The following NAA16 variants were observed in gnomAD, a reference collection of about 807,000 sequenced individuals.
The protein encoded by NAA16 is N-alpha-acetyltransferase 16, NatA auxiliary subunit.
Under a neutral mutation model 110.3 loss-of-function variants are expected in NAA16, and 97 were observed. That is an observed-to-expected ratio of 0.88 (90% confidence interval 0.75 to 1.04). NAA16 has a LOEUF of 1.04. Ranked by LOEUF, NAA16 falls within the 50% of genes least tolerant of loss-of-function variation. NAA16 has a pLI of 0.00. For missense variants in NAA16, 1,017 were observed against 1,005.1 expected, an observed-to-expected ratio of 1.01 and a Z score of -0.16; for synonymous variants, 372 against 330.6, an observed-to-expected ratio of 1.13 and a Z score of -1.36.
chr13:41,343,587 G>A (rs1233173347), intron 9 of NAA16, among the ~76,000 whole-genome samples: 1 of 152,116 alleles, frequency 6.6e-6, no homozygotes, highest in Non-Finnish European at 1.5e-5. Flanking sequence ...CTGGAGTGCA[G>A]TGGCACCATC....
chr13:41,358,194 T>C (rs2043035481), intron 10 of NAA16, 110 bp from the exon 11 acceptor site: 1 of 971,588 alleles, frequency 1.0e-6, no homozygotes, highest in South Asian at 1.9e-5. Context: ...TGCTGAGTCT[T>C]TCTTGCTTAT....
intron 8 of NAA16, among the ~76,000 whole-genome samples, chr13:41,334,747 TAAAAAG>T (rs2139425132): frequency 6.6e-6 from 1 of 152,308 alleles, no homozygotes; most frequent in South Asian, 2.1e-4. Flanking sequence ...GCAAATTAGG[TAAAAAG>T]AGTTTATAAG....
rs548411641 is a variant in NAA16 at position 41,375,346 on chromosome 13, G to GT, written c.2398-57dup. ...CACATTGCATCTTTTGATTAAAGTG[G>GT]TTATTAACTGCGAGCTTATTATTTT... On this transcript the variant is annotated intron_variant, in intron 19 of 19. Transcript: ENST00000379406. The GT allele has an allele frequency of 1.7e-4, 207 of 1,247,122 alleles. 1 individual carries two copies. The African/African-American group carries it at 2.7e-3, about 16-fold the overall frequency. The allele number at this position is 1,247,122 out of a possible 1,614,324, so 77.3% of individuals were successfully genotyped here. A position where few individuals can be genotyped will look rare whatever the true frequency, so the allele number is the denominator to read the frequency against.
At position 41,369,246 on chromosome 13, in the gene NAA16, G is replaced by A. The variant is rs1275883582; in HGVS notation, c.1910G>A (p.Gly637Asp). 20 of 1,582,580 alleles carry A rather than the reference G, an allele frequency of 1.3e-5. No individual in the cohort carries two copies. Among genetic ancestry groups the A allele is most frequent in the Non-Finnish European group, 1.5e-5 (18 of 1,172,070 alleles). The change falls in exon 15 of 20, where the codon GGC becomes GAC. Residue 637 changes from glycine to aspartate, a missense_variant. Transcript: ENST00000379406. ...GATGAAGAAGAAGAAGAAGCCAGTG[G>A]CCTTAAGGAAGAACTTATACCTGAA... ...KRDEEEEEAS[G>D]LKEELIPEKL... is the part of the protein sequence containing the mutation.
At chr13:41,336,601 G>A in intron 8 of NAA16, 49 bp from the exon 9 acceptor site, 1 of 1,118,416 alleles carries the variant, frequency 8.9e-7, no homozygotes. Context: ...ATCATTTTAA[G>A]AATTGTTTGC....
At chr13:41,354,747 G>A (rs1566285254) in intron 9 of NAA16, 1 of 155,698 alleles carries the variant, frequency 6.4e-6, no homozygotes, top group Admixed American at 6.4e-5. Context: ...TATATTGTAG[G>A]ATTGCTAACA....
chr13:41,342,143 C>CTT (rs551852444), intron 9 of NAA16, among the ~76,000 whole-genome samples: 7 of 119,616 alleles, frequency 5.9e-5, no homozygotes, highest in Admixed American at 1.7e-4. Flanking sequence ...CTCTCTCTCT[C>CTT]TTTTTTTTTT....
At chr13:41,348,258 C>T (rs192598999) in intron 9 of NAA16, among the ~76,000 whole-genome samples, 220 of 152,190 alleles carry the variant, frequency 1.4e-3, no homozygotes, top group African/African-American at 5.2e-3. Flanking sequence ...ACCTCCACCT[C>T]GCGGGTTCAA....
chr13:41,362,592 T>TAGA, intron 13 of NAA16: 1 of 652,060 alleles, frequency 1.5e-6, no homozygotes, highest in Non-Finnish European at 2.3e-6. Context: ...TTCAGTATTC[T>TAGA]GTATAACAAT....
Position 41,375,503 on chromosome 13 carries a change from T to C in NAA16, c.2496T>C (p.Pro832=). The change falls in exon 20 of 20, where the codon CCT becomes CCC. Residue 832 remains proline (P), a synonymous_variant. Coordinates refer to ENST00000379406, the MANE Select transcript of NAA16 (RefSeq NM_024561.5). Reference sequence around the variant, plus strand: ...GGATGGCCTGTCATAACCTGCTTCCTTTTACATCTGCCTTCTTGCCTGCTG... The same window carrying C: ...GGATGGCCTGTCATAACCTGCTTCCCTTTACATCTGCCTTCTTGCCTGCTG... ...EYRMACHNLL[P]FTSAFLPAVN... The C allele has an allele frequency of 6.2e-7, 1 of 1,614,082 alleles. No homozygotes were observed. The highest frequency in any genetic ancestry group is 8.5e-7 in the Non-Finnish European group (1 of 1,179,938).
At chr13:41,347,106 C>G (rs2042701856) in intron 9 of NAA16, among the ~76,000 whole-genome samples, 1 of 151,818 alleles carries the variant, frequency 6.6e-6, no homozygotes, top group Admixed American at 6.6e-5. Context: ...CTCCCAGCTG[C>G]TCGGGAGGCT....
In NAA16 at chr13:41,374,935, C is replaced by T. The variant is rs2043399504; in HGVS notation, c.2397+96C>T. 4 of 710,014 alleles carry T rather than the reference C, an allele frequency of 5.6e-6. No homozygotes were observed. In the East Asian group the frequency reaches 1.0e-4, roughly 18 times the overall value. The allele number at this position is 710,014 out of a possible 1,614,324, so 44.0% of individuals were successfully genotyped here. On this transcript the variant is annotated intron_variant, in intron 19 of 19. Transcript: ENST00000379406. ...TCTTGAGTAGGCCTTCAGAATTATGCCTGGATGTTAATCCCAGCTCTATCA... is the reference window on the plus strand; with the variant it reads ...TCTTGAGTAGGCCTTCAGAATTATGTCTGGATGTTAATCCCAGCTCTATCA...
intron 13 of NAA16, chr13:41,362,463 T>C (rs1259714190): frequency 3.0e-6 from 1 of 335,116 alleles, no homozygotes; most frequent in East Asian, 8.3e-5. Context: ...ATTTTGATAT[T>C]CATCACCACC....
chr13:41,334,229 C>T (rs1448338793), intron 8 of NAA16, among the ~76,000 whole-genome samples: 1 of 152,032 alleles, frequency 6.6e-6, no homozygotes, highest in Non-Finnish European at 1.5e-5. Context: ...AAAAGCCTTT[C>T]CACTTTTTAG....
intron 9 of NAA16, among the ~76,000 whole-genome samples, chr13:41,349,266 G>A (rs537858065): frequency 6.6e-6 from 1 of 151,916 alleles, no homozygotes; most frequent in East Asian, 1.9e-4. Context: ...ACTCATTGTA[G>A]CATCAAACCC....
intron 14 of NAA16, among the ~76,000 whole-genome samples, chr13:41,368,795 A>G (rs1348657024): frequency 1.3e-5 from 2 of 152,252 alleles, no homozygotes; most frequent in East Asian, 3.8e-4. Flanking sequence ...CCTATAGACC[A>G]TAATATAATT....
At chr13:41,369,486 G>T (rs2043274092) in intron 15 of NAA16, among the ~76,000 whole-genome samples, 1 of 152,150 alleles carries the variant, frequency 6.6e-6, no homozygotes, top group Non-Finnish European at 1.5e-5. Flanking sequence ...ATTGTGGTAG[G>T]CAGAGTAATG....
At chr13:41,345,611 T>C (rs1028162189) in intron 9 of NAA16, among the ~76,000 whole-genome samples, 1 of 152,182 alleles carries the variant, frequency 6.6e-6, no homozygotes, top group African/African-American at 2.4e-5. Context: ...AGGCAAGGTC[T>C]CACTCTTGTC....
At chr13:41,337,760 A>G (rs1412909163) in intron 9 of NAA16, among the ~76,000 whole-genome samples, 5 of 152,200 alleles carry the variant, frequency 3.3e-5, no homozygotes. Flanking sequence ...ATTTTAGTTA[A>G]GCTTCTGTCA....
Sources: allele counts gnomAD v4.1 joint callset (sites outside exome capture counted in the v4.1 genomes callset), GRCh38; gene constraint gnomAD v4.1.1; transcripts MANE v1.5; gene names NCBI Gene and HGNC (gene_info 2026-07-23, HGNC 2026-07-21).